Variants in NDRG4 observed in about 807,000 individuals in gnomAD.
The protein encoded by NDRG4 is NDRG family member 4.
A neutral mutation model predicts 55.8 loss-of-function variants in NDRG4; 38 were observed. That is an observed-to-expected ratio of 0.68 (90% CI 0.53 to 0.89). NDRG4 has a LOEUF of 0.89. NDRG4 is among the 40% of genes least tolerant of loss of function. NDRG4 has a pLI of 0.00. For synonymous variants in NDRG4, 190 were observed against 182.7 expected, an observed-to-expected ratio of 1.04 and a Z score of -0.32; for missense variants, 455 against 468.6, an observed-to-expected ratio of 0.97 and a Z score of 0.27.
At chr16:58,487,517 G>GT (rs1046301231) in intron 1 of NDRG4, among the ~76,000 whole-genome samples, 2 of 151,496 alleles carry the variant, frequency 1.3e-5, no homozygotes, top group Non-Finnish European at 2.9e-5. Context: ...GAGACTCCGT[G>GT]TAAAAAAAAA....
intron 1 of NDRG4, 148 bp downstream of exon 1, chr16:58,500,417 C>A (rs1015339096): frequency 1.9e-6 from 2 of 1,064,372 alleles, no homozygotes; most frequent in Non-Finnish European, 1.3e-6. Flanking sequence ...TGAGACACGG[C>A]CAGAGTGCTC....
intron 10 of NDRG4, 37 bp downstream of exon 10, chr16:58,508,036 G>GT (rs1346875494): frequency 1.2e-5 from 18 of 1,452,824 alleles, no homozygotes; most frequent in Non-Finnish European, 1.6e-5. Flanking sequence ...GGGGTGGGAG[G>GT]TAGGGGTGAG....
In NDRG4 at chr16:58,503,792, C is replaced by G. The variant is rs774901928; in HGVS notation, c.22-6C>G. On this transcript the variant is annotated splice_polypyrimidine_tract_variant and splice_region_variant and intron_variant, in intron 1 of 14. Coordinates refer to ENST00000570248, the MANE Select transcript of NDRG4 (RefSeq NM_001242835.2). Reference sequence around the variant, plus strand: ...CAGAGTGTCCAGCACGGTCTCTCCCCTTCAGGAACATGACATCGAGACACC... The same window carrying G: ...CAGAGTGTCCAGCACGGTCTCTCCCGTTCAGGAACATGACATCGAGACACC... The G allele has an allele frequency of 6.2e-7, 1 of 1,613,898 alleles. No homozygotes were observed. The highest frequency in any genetic ancestry group is 1.1e-5 in the South Asian group (1 of 91,084).
At chr16:58,470,639 G>A (rs1244749748) in intron 1 of NDRG4, among the ~76,000 whole-genome samples, 1 of 151,830 alleles carries the variant, frequency 6.6e-6, no homozygotes, top group African/African-American at 2.4e-5. Context: ...GGGTGCGGTG[G>A]CTCACACCTG....
chr16:58,497,987 G>A (rs1316239229), upstream of NDRG4, among the ~76,000 whole-genome samples: 4 of 152,164 alleles, frequency 2.6e-5, no homozygotes, highest in Non-Finnish European at 2.9e-5. Flanking sequence ...AAGGTCACCC[G>A]GCTGGTAGGG....
intron 2 of NDRG4, among the ~76,000 whole-genome samples, chr16:58,493,871 CTTG>C (rs1295281876): frequency 1.3e-5 from 2 of 152,296 alleles, no homozygotes; most frequent in East Asian, 1.9e-4. Context: ...GGCCAGCTGT[CTTG>C]TTGTACAGAT....
chr16:58,475,640 T>C (rs1476058675), intron 1 of NDRG4: 12 of 455,936 alleles, frequency 2.6e-5, no homozygotes, highest in Non-Finnish European at 5.3e-5. Context: ...TCCCAAATCA[T>C]GGCTTCATGA....
At chr16:58,495,255 T>C (rs2036267621), upstream of NDRG4, among the ~76,000 whole-genome samples, 1 of 152,194 alleles carries the variant, frequency 6.6e-6, no homozygotes, top group South Asian at 2.1e-4. Flanking sequence ...TTTCCTCCAA[T>C]GAAAGGCAGG....
intron 1 of NDRG4, among the ~76,000 whole-genome samples, chr16:58,478,702 T>TTGTG (rs1555528546): frequency 6.8e-6 from 1 of 146,232 alleles, no homozygotes; most frequent in African/African-American, 2.7e-5. Context: ...TTTTTGTTTT[T>TTGTG]TTTTTTTGTA....
intron 1 of NDRG4, among the ~76,000 whole-genome samples, chr16:58,484,883 CTTTTTT>C (rs572251728): frequency 7.5e-5 from 10 of 133,880 alleles, no homozygotes; most frequent in African/African-American, 2.8e-4. Context: ...TCATAACTTA[CTTTTTT>C]TTTTTTTTTT....
intron 1 of NDRG4, among the ~76,000 whole-genome samples, chr16:58,467,810 G>C (rs1265223410): frequency 6.6e-6 from 1 of 152,240 alleles, no homozygotes; most frequent in Non-Finnish European, 1.5e-5. Context: ...AAGACGTCGA[G>C]TGCAGCTTCT....
In NDRG4 at chr16:58,464,432, T is replaced by A. The variant is rs1218381166; in HGVS notation, c.-24+635T>A. 2 of 1,365,452 alleles carry A rather than the reference T, an allele frequency of 1.5e-6. No homozygotes were observed. Among genetic ancestry groups the A allele is most frequent in the Non-Finnish European group, 1.9e-6 (2 of 1,061,894 alleles). The allele number at this position is 1,365,452 out of a possible 1,614,324, so 84.6% of individuals were successfully genotyped here. On this transcript the variant is annotated intron_variant, in intron 1 of 15. Coordinates refer to the NDRG4 transcript ENST00000258187. The surrounding 1 kb of genome is among the most constrained non-coding windows in gnomAD (Gnocchi z 4.8). ...AGCCGGGCCGCGCCGGGCGCCGAGA[T>A]GAAGGTGCTGGGACACCGGCTGGAG...
chr16:58,499,085 T>G (rs951448365), upstream of NDRG4: 2 of 152,708 alleles, frequency 1.3e-5, no homozygotes, highest in African/African-American at 4.8e-5. Context: ...CTCTGGCCTA[T>G]TTCCTCTCCT....
chr16:58,503,815 AC>A lies in NDRG4; in HGVS notation c.42del (p.Tyr15ThrfsTer6), dbSNP rs2037475782. 1.9e-6 allele frequency: 3 copies of A among 1,613,752 alleles called. No individual in the cohort carries two copies. The highest frequency in any genetic ancestry group is 2.5e-6 in the Non-Finnish European group (3 of 1,179,968). On this transcript the variant is annotated frameshift_variant, in exon 2 of 15. Transcript: ENST00000570248. LOFTEE classifies it high-confidence loss of function. ...CCCTTCAGGAACATGACATCGAGAC[AC>A]CCTACGGCCTTCTGCATGTAGTGAT... ...CWDGEHDIET[P>X]YGLLHVVIRG...
intron 2 of NDRG4, among the ~76,000 whole-genome samples, chr16:58,490,285 C>G (rs1031934299): frequency 2.6e-5 from 4 of 152,228 alleles, no homozygotes; most frequent in Non-Finnish European, 4.4e-5. Context: ...GTGCTGCCTG[C>G]TGGTATGGAG....
chr16:58,509,935 C>CACAG (rs1470705803), intron 13 of NDRG4, among the ~76,000 whole-genome samples: 2 of 147,792 alleles, frequency 1.4e-5, no homozygotes, highest in Admixed American at 7.0e-5. Flanking sequence ...GGTACACACA[C>CACAG]ACAGACACAC....
intron 2 of NDRG4, among the ~76,000 whole-genome samples, chr16:58,492,267 T>C (rs1435460060): frequency 6.6e-6 from 1 of 151,976 alleles, no homozygotes; most frequent in Non-Finnish European, 1.5e-5. Context: ...CCATCCTGCC[T>C]CCCACACACC....
chr16:58,508,713 C>G (rs2038377444), intron 10 of NDRG4, among the ~76,000 whole-genome samples: 1 of 152,192 alleles, frequency 6.6e-6, no homozygotes, highest in African/African-American at 2.4e-5. Flanking sequence ...CGCCTGACTC[C>G]CACTCCTAGC....
intron 1 of NDRG4, among the ~76,000 whole-genome samples, chr16:58,478,690 G>GT (rs763426631): frequency 1.9e-4 from 2 of 10,306 alleles, no homozygotes; most frequent in African/African-American, 1.2e-3. Context: ...GTGCTTTTTT[G>GT]TTTTTTGTTT....
Sources: allele counts gnomAD v4.1 joint callset (sites outside exome capture counted in the v4.1 genomes callset), GRCh38; gene constraint gnomAD v4.1.1; non-coding constraint Gnocchi (gnomAD v3.1); transcripts MANE v1.5; gene names NCBI Gene and HGNC (gene_info 2026-07-23, HGNC 2026-07-21).